The following RBFOX1 variants were observed in gnomAD, a reference collection of about 807,000 sequenced individuals.
RBFOX1 encodes RNA binding protein fox-1 homolog 1.
A neutral mutation model predicts 57.7 loss-of-function variants in RBFOX1; 8 were observed. The observed-to-expected ratio is 0.14, with a 90% CI of 0.08 to 0.25. RBFOX1 has a LOEUF of 0.25. Among genes scored for constraint, RBFOX1 ranks in the 10% least tolerant of loss-of-function variants. The probability of loss-of-function intolerance (pLI) is 1.00; values close to 1 mark genes in which losing one functional copy is unlikely to be tolerated. For synonymous variants in RBFOX1, 326 were observed against 222.4 expected (o/e 1.47, Z -4.15); for missense variants, 611 against 548.5 (o/e 1.11, Z -1.14).
At chr16:6,655,373 C>CAAAAAAAAAAAAAAAAAAAAAAAA (rs71406388) in intron 3 of RBFOX1, among the ~76,000 whole-genome samples, 3 of 33,686 alleles carry the variant, frequency 8.9e-5, no homozygotes, top group African/African-American at 1.3e-4. Context: ...GCCTCCGTTT[C>CAAAAAAAAAAAAAAAAAAAAAAAA]AAAAAAAAAA....
In RBFOX1 at chr16:6,019,954, CGA is replaced by C; in HGVS notation, c.-162_-161del. 1 of 1,532,324 alleles carries C rather than the reference CGA, an allele frequency of 6.5e-7. No homozygotes were observed. The highest frequency in any genetic ancestry group is 8.7e-7 in the Non-Finnish European group (1 of 1,144,674). The allele number at this position is 1,532,324 out of a possible 1,614,324, so 94.9% of individuals were successfully genotyped here. ...GCACGGGAATTCGGGGGTCTGGGGCCGAGAACGTGACCGCAGCCGGGCTCGCC... is the reference window on the plus strand; with the variant it reads ...GCACGGGAATTCGGGGGTCTGGGGCCGAACGTGACCGCAGCCGGGCTCGCC... On this transcript the variant is annotated 5_prime_UTR_variant, in exon 1 of 16. It removes the in-frame stop codon of an upstream open reading frame in the 5' UTR. Coordinates refer to ENST00000550418, the MANE Select transcript of RBFOX1 (RefSeq NM_018723.4). The surrounding 1 kb of genome is among the most constrained non-coding windows in gnomAD (Gnocchi z 4.2).
At chr16:5,328,586 AT>A (rs1489226834) in intron 1 of RBFOX1, among the ~76,000 whole-genome samples, 1 of 152,206 alleles carries the variant, frequency 6.6e-6, no homozygotes, top group Non-Finnish European at 1.5e-5. Context: ...ATTTGAGTCA[AT>A]GAAACATACC....
chr16:6,320,698 C>T (rs762530939), intron 2 of RBFOX1, among the ~76,000 whole-genome samples: 4 of 152,000 alleles, frequency 2.6e-5, no homozygotes, highest in Non-Finnish European at 5.9e-5. Flanking sequence ...CCAGACGGAG[C>T]AAGTGAACGC....
chr16:6,534,547 C>A (rs1207390595), intron 2 of RBFOX1, among the ~76,000 whole-genome samples: 1 of 152,104 alleles, frequency 6.6e-6, no homozygotes, highest in South Asian at 2.1e-4. Context: ...CTGTTCACAG[C>A]AGAGGTGATA....
chr16:7,333,722 A>T (rs1363808466), intron 4 of RBFOX1, among the ~76,000 whole-genome samples: 3 of 152,100 alleles, frequency 2.0e-5, no homozygotes, highest in Non-Finnish European at 4.4e-5. Flanking sequence ...GAAGTCTTTT[A>T]ATTCTGTGCA....
intron 1 of RBFOX1, among the ~76,000 whole-genome samples, chr16:6,090,584 T>G (rs2096157026): frequency 6.6e-6 from 1 of 152,234 alleles, no homozygotes; most frequent in Non-Finnish European, 1.5e-5. Flanking sequence ...TTCTGATGAC[T>G]TTGTAGATCA....
rs192948236 is a variant in RBFOX1 at position 7,634,219 on chromosome 16, G to A, written c.757+3536G>A. Among the ~76,000 whole-genome samples, 157 of 152,258 alleles carry A rather than the reference G, an allele frequency of 1.0e-3. 1 individual carries two copies. The highest frequency in any genetic ancestry group is 3.5e-3 in the African/African-American group (147 of 41,528). On this transcript the variant is annotated intron_variant, in intron 11 of 15. Transcript: ENST00000550418. ...TGTTTTTTAACTTGAAAATGCATAT[G>A]TTCCTCATTTCTGTTTAACAGCTGT... is the stretch of plus-strand genomic sequence containing the variant.
chr16:6,955,966 G>C (rs2046979), intron 3 of RBFOX1, among the ~76,000 whole-genome samples: 1 of 151,862 alleles, frequency 6.6e-6, no homozygotes, highest in Non-Finnish European at 1.5e-5. Context: ...TTGGCCTCCC[G>C]AAGTGCTGGG....
intron 1 of RBFOX1, among the ~76,000 whole-genome samples, chr16:5,412,257 C>T (rs1596937535): frequency 2.8e-5 from 3 of 108,864 alleles, no homozygotes; most frequent in Non-Finnish European, 6.2e-5. Context: ...GAATCCTCAT[C>T]TCTGAGTTAG....
intron 1 of RBFOX1, among the ~76,000 whole-genome samples, chr16:6,076,768 A>G (rs2095908339): frequency 6.6e-6 from 1 of 152,212 alleles, no homozygotes; most frequent in African/African-American, 2.4e-5. Context: ...ACATAGATGA[A>G]ATGGGACAGA....
At chr16:7,341,418 C>G (rs928376164) in intron 4 of RBFOX1, among the ~76,000 whole-genome samples, 1 of 152,130 alleles carries the variant, frequency 6.6e-6, no homozygotes, top group Non-Finnish European at 1.5e-5. Context: ...CTTGCAAGCT[C>G]TGGAGGTATT....
intron 3 of RBFOX1, among the ~76,000 whole-genome samples, chr16:6,836,953 T>C (rs2093143385): frequency 6.6e-6 from 1 of 151,868 alleles, no homozygotes; most frequent in South Asian, 2.1e-4. Context: ...AGTAGAAGGG[T>C]GGAAGGATGG....
intron 2 of RBFOX1, among the ~76,000 whole-genome samples, chr16:6,586,635 C>A (rs1291894766): frequency 6.6e-6 from 1 of 152,140 alleles, no homozygotes; most frequent in East Asian, 1.9e-4. Context: ...CTTCTGTATG[C>A]CATGTATTTT....
chr16:6,678,140 T>G (rs2058052982), intron 3 of RBFOX1, among the ~76,000 whole-genome samples: 1 of 152,268 alleles, frequency 6.6e-6, no homozygotes, highest in South Asian at 2.1e-4. Context: ...TGTGTTGTGT[T>G]TGAGACGGAG....
chr16:7,012,351 G>T (rs1486673457), intron 3 of RBFOX1, among the ~76,000 whole-genome samples: 1 of 152,154 alleles, frequency 6.6e-6, no homozygotes, highest in Non-Finnish European at 1.5e-5. Flanking sequence ...GACTGAATCA[G>T]GTCTCTTCAA....
chr16:7,346,500 T>C (rs2076526542), intron 4 of RBFOX1, among the ~76,000 whole-genome samples: 1 of 152,076 alleles, frequency 6.6e-6, no homozygotes, highest in Non-Finnish European at 1.5e-5. Flanking sequence ...CATGTTAGCA[T>C]TGGTTCTAAA....
intron 3 of RBFOX1, among the ~76,000 whole-genome samples, chr16:7,028,060 G>C (rs77794981): frequency 1.3e-5 from 2 of 152,082 alleles, no homozygotes; most frequent in African/African-American, 2.4e-5. Flanking sequence ...GAAAGTGTTC[G>C]CAGCCCTGAG....
At chr16:6,964,252 C>T (rs534400878) in intron 3 of RBFOX1, among the ~76,000 whole-genome samples, 3 of 150,918 alleles carry the variant, frequency 2.0e-5, no homozygotes, top group Non-Finnish European at 4.4e-5. Flanking sequence ...CTGCTGATCT[C>T]AAGTGATGCA....
At chr16:6,893,846 A>G (rs36073293) in intron 3 of RBFOX1, among the ~76,000 whole-genome samples, 35,635 of 152,128 alleles carry the variant, frequency 0.23, 4,289 homozygotes, top group Middle Eastern at 0.28. Context: ...TTCAGGGCCA[A>G]TGGAATGAAT....
Sources: gnomAD v4.1 joint callset for allele counts (sites outside exome capture counted in the v4.1 genomes callset) on GRCh38, gnomAD v4.1.1 for gene constraint, Gnocchi (gnomAD v3.1) non-coding constraint, MANE v1.5 for transcripts, NCBI Gene and HGNC (gene_info 2026-07-23, HGNC 2026-07-21) for gene names.